Variants in UNC5C observed in about 807,000 individuals in gnomAD.
UNC5C encodes netrin receptor UNC5C.
UNC5C carries 47 observed loss-of-function variants against 99.8 expected under a neutral mutation model. The observed-to-expected ratio is 0.47, with a 90% CI of 0.37 to 0.60. The LOEUF (loss-of-function observed/expected upper bound fraction) is 0.60. UNC5C is among the 20% of genes least tolerant of loss of function. The pLI is 0.00. For synonymous variants in UNC5C, 487 were observed against 452.2 expected, an observed-to-expected ratio of 1.08 and a Z score of -0.98; for missense variants, 1,062 against 1,165.9, an observed-to-expected ratio of 0.91 and a Z score of 1.30.
chr4:95,386,368 A>G (rs1232110797), intron 1 of UNC5C, among the ~76,000 whole-genome samples: 1 of 151,396 alleles, frequency 6.6e-6, no homozygotes, highest in East Asian at 1.9e-4. Context: ...TCCCTCCCCC[A>G]TCCCCCTACC....
intron 1 of UNC5C, among the ~76,000 whole-genome samples, chr4:95,525,360 C>T (rs924163734): frequency 3.9e-5 from 6 of 152,062 alleles, no homozygotes; most frequent in African/African-American, 9.7e-5. Context: ...TGCAGAACTA[C>T]GTTTTGAAAC....
intron 14 of UNC5C, among the ~76,000 whole-genome samples, chr4:95,173,057 A>G (rs1384844319): frequency 6.6e-6 from 1 of 151,962 alleles, no homozygotes; most frequent in African/African-American, 2.4e-5. Flanking sequence ...TTATTGGTGT[A>G]TAAGAATGCT....
At chr4:95,458,698 G>T (rs765469742) in intron 1 of UNC5C, among the ~76,000 whole-genome samples, 22 of 151,700 alleles carry the variant, frequency 1.5e-4, no homozygotes, top group Non-Finnish European at 2.9e-4. Flanking sequence ...ATGAAATTTT[G>T]GTGTAAAGGA....
intron 1 of UNC5C, among the ~76,000 whole-genome samples, chr4:95,505,320 C>T (rs1331615454): frequency 6.6e-6 from 1 of 152,040 alleles, no homozygotes; most frequent in African/African-American, 2.4e-5. Context: ...TATGAGCGAG[C>T]AGTCATGGAA....
chr4:95,301,918 C>A (rs1224018278), intron 2 of UNC5C, among the ~76,000 whole-genome samples, 169 bp from the exon 3 acceptor site: 5 of 152,174 alleles, frequency 3.3e-5, no homozygotes, highest in African/African-American at 9.7e-5. Flanking sequence ...TTATTTTACT[C>A]AACAACTTTT....
intron 3 of UNC5C, among the ~76,000 whole-genome samples, chr4:95,281,382 A>G (rs1226373645): frequency 6.6e-6 from 1 of 152,324 alleles, no homozygotes; most frequent in South Asian, 2.1e-4. Context: ...GTGCTTATGA[A>G]AAGCCTTTCT....
At chr4:95,403,622 G>A (rs1359321139) in intron 1 of UNC5C, among the ~76,000 whole-genome samples, 10 of 151,946 alleles carry the variant, frequency 6.6e-5, no homozygotes, top group East Asian at 1.9e-4. Context: ...TTCCATATTC[G>A]TAGCAGCTAC....
chr4:95,475,651 T>C (rs1224826118), intron 1 of UNC5C, among the ~76,000 whole-genome samples: 1 of 152,068 alleles, frequency 6.6e-6, no homozygotes, highest in African/African-American at 2.4e-5. Flanking sequence ...ATTAAGTCCA[T>C]TGCCCCTTTA....
At position 95,400,325 on chromosome 4, in the gene UNC5C, T is replaced by C. The variant is rs1457933449; in HGVS notation, c.125-64694A>G. 2.0e-5 allele frequency among the ~76,000 whole-genome samples: 3 copies of C among 151,608 alleles called. No homozygotes were observed. The East Asian group carries it at 5.8e-4, about 29-fold the overall frequency. ...AGCCTGTGGGAGCTCAGAGCAGACC[T>C]TGATCACAGCCAGCGAGAAAATGTG... On this transcript the variant is annotated intron_variant, in intron 1 of 15. Transcript: ENST00000453304.
intron 1 of UNC5C, among the ~76,000 whole-genome samples, chr4:95,402,268 T>A (rs1745722302): frequency 6.6e-6 from 1 of 152,238 alleles, no homozygotes; most frequent in Non-Finnish European, 1.5e-5. Flanking sequence ...ACCCTATTTA[T>A]CATATTCATC....
At chr4:95,399,337 A>C (rs958304109) in intron 1 of UNC5C, among the ~76,000 whole-genome samples, 1 of 152,204 alleles carries the variant, frequency 6.6e-6, no homozygotes, top group Non-Finnish European at 1.5e-5. Context: ...ACAACTCCAC[A>C]AAAAAGCATC....
intron 2 of UNC5C, among the ~76,000 whole-genome samples, chr4:95,333,362 A>T (rs1278547851): frequency 1.3e-5 from 2 of 152,222 alleles, no homozygotes; most frequent in Non-Finnish European, 2.9e-5. Context: ...AAAATGTGGC[A>T]TATATACACC....
At chr4:95,364,981 A>G (rs931674792) in intron 1 of UNC5C, among the ~76,000 whole-genome samples, 1 of 151,784 alleles carries the variant, frequency 6.6e-6, no homozygotes, top group African/African-American at 2.4e-5. Flanking sequence ...ATTTAAGTAT[A>G]TATTTATTTA....
chr4:95,301,510 A>C (rs1741877006), intron 3 of UNC5C, 96 bp downstream of exon 3: 2 of 1,544,608 alleles, frequency 1.3e-6, no homozygotes, highest in Admixed American at 3.7e-5. Flanking sequence ...AGGATTTTTG[A>C]CCAGTTTTCT....
At chr4:95,363,781 A>G (rs932647314) in intron 1 of UNC5C, among the ~76,000 whole-genome samples, 2 of 152,172 alleles carry the variant, frequency 1.3e-5, no homozygotes, top group Non-Finnish European at 2.9e-5. Context: ...GACACCTTGG[A>G]GAGCCACCCT....
chr4:95,500,100 TAGG>T (rs912936671), intron 1 of UNC5C, among the ~76,000 whole-genome samples: 42 of 152,092 alleles, frequency 2.8e-4, no homozygotes, highest in Non-Finnish European at 5.9e-5. Flanking sequence ...GATAAAAACG[TAGG>T]AGTTTTGTTT....
chr4:95,535,306 G>A (rs903365664), intron 1 of UNC5C, among the ~76,000 whole-genome samples: 2 of 152,030 alleles, frequency 1.3e-5, no homozygotes, highest in South Asian at 2.1e-4. Flanking sequence ...TTGACAACAT[G>A]CTTTTATTGG....
intron 1 of UNC5C, among the ~76,000 whole-genome samples, chr4:95,460,538 G>A (rs78266672): frequency 9.1e-4 from 139 of 152,168 alleles, no homozygotes; most frequent in African/African-American, 2.9e-3. Context: ...GAGATCTGAC[G>A]GTTTTATCAG....
intron 3 of UNC5C, among the ~76,000 whole-genome samples, chr4:95,291,156 G>A (rs1259566881): frequency 1.3e-5 from 2 of 151,676 alleles, no homozygotes; most frequent in Non-Finnish European, 2.9e-5. Flanking sequence ...CTACAGAAAA[G>A]AGGAAGAAAA....
Sources: gnomAD v4.1 joint callset for allele counts (sites outside exome capture counted in the v4.1 genomes callset) on GRCh38, gnomAD v4.1.1 for gene constraint, MANE v1.5 for transcripts, NCBI Gene and HGNC (gene_info 2026-07-23, HGNC 2026-07-21) for gene names.